Variants in SUCLG2 observed in about 807,000 individuals in gnomAD.
SUCLG2 encodes the protein succinate--CoA ligase [GDP-forming] subunit beta, mitochondrial.
In SUCLG2, 42 loss-of-function variants were observed where a neutral mutation model predicts 47.9. The observed-to-expected ratio is 0.88, with a 90% CI of 0.69 to 1.14. The LOEUF (loss-of-function observed/expected upper bound fraction) is 1.14. Ranked by LOEUF, SUCLG2 falls within the 50% of genes most tolerant of loss-of-function variation. SUCLG2 has a pLI of 0.00. For missense variants in SUCLG2, 571 were observed against 525.9 expected, an observed-to-expected ratio of 1.09 and a Z score of -0.84; for synonymous variants, 195 against 197.3, an observed-to-expected ratio of 0.99 and a Z score of 0.10.
chr3:67,536,537 C>A (rs1706547775), intron 2 of SUCLG2, among the ~76,000 whole-genome samples: 1 of 152,160 alleles, frequency 6.6e-6, no homozygotes, highest in African/African-American at 2.4e-5. Context: ...CACACTAAAC[C>A]TGAGACCTCT....
At chr3:67,392,658 A>T (rs1008756599) in intron 10 of SUCLG2, among the ~76,000 whole-genome samples, 3 of 152,172 alleles carry the variant, frequency 2.0e-5, no homozygotes, top group African/African-American at 7.2e-5. Flanking sequence ...GTGCTCCTTA[A>T]GGTAAAAACC....
rs534599521 is a variant in SUCLG2 at position 67,570,087 on chromosome 3, G to T, written c.226+39368C>A. Reference sequence around the variant, plus strand: ...TATAAGAAGTGGGAGAGACATCAGGGACAGGAGTGCCCAGAAGAAAGGCCG... The same window carrying T: ...TATAAGAAGTGGGAGAGACATCAGGTACAGGAGTGCCCAGAAGAAAGGCCG... On this transcript the variant is annotated intron_variant, in intron 2 of 10. Coordinates refer to ENST00000307227, the MANE Select transcript of SUCLG2 (RefSeq NM_003848.4). Among the ~76,000 whole-genome samples, 5 of 152,282 alleles carry T rather than the reference G, an allele frequency of 3.3e-5. No homozygotes were observed. The South Asian group carries it at 1.0e-3, about 32-fold the overall frequency.
At chr3:67,385,905 G>A (rs1426882472) in intron 10 of SUCLG2, among the ~76,000 whole-genome samples, 1 of 152,138 alleles carries the variant, frequency 6.6e-6, no homozygotes, top group African/African-American at 2.4e-5. Flanking sequence ...GTGGCTATTA[G>A]GTAAGCTAAT....
At chr3:67,486,148 C>G (rs1705044937) in intron 9 of SUCLG2, among the ~76,000 whole-genome samples, 1 of 152,084 alleles carries the variant, frequency 6.6e-6, no homozygotes, top group African/African-American at 2.4e-5. Flanking sequence ...ACCTGTAGTC[C>G]TAGCAACTCA....
chr3:67,552,124 G>A (rs1707029520), intron 2 of SUCLG2, among the ~76,000 whole-genome samples: 1 of 133,726 alleles, frequency 7.5e-6, no homozygotes, highest in Non-Finnish European at 1.5e-5. Context: ...AATTAAAATG[G>A]AGAAAACACT....
intron 2 of SUCLG2, among the ~76,000 whole-genome samples, chr3:67,599,662 T>C (rs1013923950): frequency 1.3e-5 from 2 of 152,030 alleles, no homozygotes; most frequent in African/African-American, 4.8e-5. Context: ...GTCCCATCTG[T>C]TTCCTCTGCC....
intron 10 of SUCLG2, among the ~76,000 whole-genome samples, chr3:67,376,999 A>G (rs1252247032): frequency 6.6e-6 from 1 of 152,236 alleles, no homozygotes; most frequent in Non-Finnish European, 1.5e-5. Context: ...TTTTGTTTCC[A>G]TACAGAGCAC....
chr3:67,637,792 A>G (rs1305457902), intron 1 of SUCLG2, among the ~76,000 whole-genome samples: 3 of 152,198 alleles, frequency 2.0e-5, no homozygotes, highest in Admixed American at 2.0e-4. Flanking sequence ...CATCCATGCC[A>G]GTAACTTTTG....
chr3:67,564,630 A>G (rs1253822317), intron 2 of SUCLG2, among the ~76,000 whole-genome samples: 4 of 152,262 alleles, frequency 2.6e-5, no homozygotes, highest in African/African-American at 9.6e-5. Context: ...GGCCACATGC[A>G]GCTCAGGACA....
chr3:67,557,358 A>G (rs1024523281), intron 2 of SUCLG2, among the ~76,000 whole-genome samples: 5 of 152,164 alleles, frequency 3.3e-5, no homozygotes, highest in Non-Finnish European at 5.9e-5. Flanking sequence ...TCCTTTTCAT[A>G]TTCAAATTTA....
At position 67,498,263 on chromosome 3, in the gene SUCLG2, C is replaced by T. The variant is rs141728876; in HGVS notation, c.790G>A (p.Asp264Asn). ...VCFDAKINFDDNAEFRQKDIF... is the reference protein window; with the variant it reads ...VCFDAKINFDNNAEFRQKDIF... The stretch of plus-strand genomic sequence containing the variant: ...TCTTTTTGTCGGAATTCTGCGTTGT[C>T]ATCAAAGTTTATCTTGGCATCAAAA... Residue 264 changes from aspartate (D) to asparagine (N), a missense_variant, in exon 8 of 11, where the codon GAC becomes AAC. By Grantham distance (23) the Asp-to-Asn change is conservative. Coordinates refer to ENST00000307227, the MANE Select transcript of SUCLG2 (RefSeq NM_003848.4). 7.2e-5 allele frequency: 116 copies of T among 1,613,640 alleles called. No homozygotes were observed. In the East Asian group the frequency reaches 2.5e-3, roughly 35 times the overall value.
rs1350228214 is a variant in SUCLG2 at position 67,654,542 on chromosome 3, G to A, written c.45C>T (p.Ala15=). 4.7e-6 allele frequency: 6 copies of A among 1,265,926 alleles called. No homozygotes were observed. In the South Asian group the frequency reaches 2.3e-4, roughly 48 times the overall value. The allele number at this position is 1,265,926 out of a possible 1,614,324, so 78.4% of individuals were successfully genotyped here. The part of the protein sequence containing the change: ...VAAQAGKLLR[A]LALRPRFLAA... ...CCAGGAAGCGGGGCCGCAGCGCTAGGGCTCGCAGAAGCTTCCCGGCCTGCG... is the reference window on the plus strand; with the variant it reads ...CCAGGAAGCGGGGCCGCAGCGCTAGAGCTCGCAGAAGCTTCCCGGCCTGCG... Residue 15 remains alanine (A), a synonymous_variant, in exon 1 of 11, where the codon GCC becomes GCT. Transcript: ENST00000307227.
intron 9 of SUCLG2, among the ~76,000 whole-genome samples, chr3:67,416,451 T>TA (rs1217677580): frequency 6.6e-6 from 1 of 152,212 alleles, no homozygotes. Flanking sequence ...ATTTTATACT[T>TA]AAAAAATCCC....
In SUCLG2 at chr3:67,424,701, G is replaced by A. The variant is rs141281153; in HGVS notation, c.1063-23850C>T. Among the ~76,000 whole-genome samples, 583 of 152,144 alleles carry A rather than the reference G, an allele frequency of 3.8e-3. 18 individuals are homozygous for A. The highest frequency in any genetic ancestry group is 0.035 in the Admixed American group (533 of 15,270). On this transcript the variant is annotated intron_variant, in intron 9 of 10. Transcript: ENST00000307227. ...CATAAGAGCTCAGTAATTGCTGGCCGTTACTAAAACCACCAGCATCACTTC... is the reference window on the plus strand; with the variant it reads ...CATAAGAGCTCAGTAATTGCTGGCCATTACTAAAACCACCAGCATCACTTC...
rs1197888509 is a variant in SUCLG2 at position 67,647,505 on chromosome 3, A to G, written c.84+6998T>C. ...TTTCTCCAGCATTCTTGAAACGCTG[A>G]GGGCAGTAGTTTGTGCTAAGCACAC... On this transcript the variant is annotated intron_variant, in intron 1 of 10. Coordinates refer to ENST00000307227, the MANE Select transcript of SUCLG2 (RefSeq NM_003848.4). Among the ~76,000 whole-genome samples the G allele has an allele frequency of 3.3e-5, 5 of 152,240 alleles. 1 individual carries two copies. Among genetic ancestry groups the G allele is most frequent in the Admixed American group, 2.6e-4 (4 of 15,292 alleles).
At chr3:67,552,380 C>T (rs1434287191) in intron 2 of SUCLG2, among the ~76,000 whole-genome samples, 3 of 152,014 alleles carry the variant, frequency 2.0e-5, no homozygotes, top group South Asian at 2.1e-4. Context: ...TATAATAAAA[C>T]AAGGCCCACT....
At chr3:67,429,831 CA>C (rs1415724909) in intron 9 of SUCLG2, among the ~76,000 whole-genome samples, 4 of 152,004 alleles carry the variant, frequency 2.6e-5, no homozygotes, top group African/African-American at 9.7e-5. Context: ...TTTAAACCAA[CA>C]AAGATCAAAA....
intron 2 of SUCLG2, among the ~76,000 whole-genome samples, chr3:67,580,294 T>G (rs1707849165): frequency 6.6e-6 from 1 of 152,224 alleles, no homozygotes. Flanking sequence ...CAGCCATGTT[T>G]CGTGGCTGTG....
chr3:67,533,698 T>C (rs1196806204), intron 2 of SUCLG2, among the ~76,000 whole-genome samples: 1 of 152,156 alleles, frequency 6.6e-6, no homozygotes, highest in Admixed American at 6.5e-5. Context: ...ACTTCTATGT[T>C]TGCGTTACGA....
Sources: allele counts gnomAD v4.1 joint callset (sites outside exome capture counted in the v4.1 genomes callset), GRCh38; gene constraint gnomAD v4.1.1; transcripts MANE v1.5; gene names NCBI Gene and HGNC (gene_info 2026-07-23, HGNC 2026-07-21).